The following FOXP1 variants were observed in gnomAD, a reference collection of about 807,000 sequenced individuals.
FOXP1 encodes the protein forkhead box P1.
In FOXP1, 15 loss-of-function variants were observed where a neutral mutation model predicts 98.2. That is an observed-to-expected ratio of 0.15 (90% CI 0.10 to 0.24). The LOEUF is 0.24. FOXP1 is among the 10% of genes least tolerant of loss of function. The pLI is 1.00. For missense variants in FOXP1, 633 were observed against 848.5 expected (o/e 0.75, Z 3.15); for synonymous variants, 371 against 314.5 (o/e 1.18, Z -1.90).
At chr3:71,563,442 TACC>T (rs1317811335) in intron 2 of FOXP1, among the ~76,000 whole-genome samples, 1 of 152,198 alleles carries the variant, frequency 6.6e-6, no homozygotes, top group East Asian at 1.9e-4. Context: ...AGAGTCACCT[TACC>T]TACCGCAAAG....
intron 6 of FOXP1, among the ~76,000 whole-genome samples, chr3:71,193,353 T>G (rs2063112688): frequency 7.7e-6 from 1 of 129,340 alleles, no homozygotes; most frequent in Admixed American, 7.8e-5. Context: ...TTTCACCATG[T>G]TAGCCAGGAT....
At chr3:71,459,962 C>A (rs1327496946) in intron 3 of FOXP1, among the ~76,000 whole-genome samples, 1 of 147,876 alleles carries the variant, frequency 6.8e-6, no homozygotes, top group Non-Finnish European at 1.5e-5. Flanking sequence ...AAGATGGAGT[C>A]TCACTCTGTC....
intron 3 of FOXP1, among the ~76,000 whole-genome samples, chr3:71,447,591 AG>A (rs1378839575): frequency 6.6e-6 from 1 of 152,182 alleles, no homozygotes; most frequent in Non-Finnish European, 1.5e-5. Context: ...AGAAACTGAG[AG>A]GACCCACTAA....
intron 3 of FOXP1, among the ~76,000 whole-genome samples, chr3:71,421,030 G>T (rs72959383): frequency 0.033 from 5,081 of 152,038 alleles, 279 homozygotes; most frequent in African/African-American, 0.11. Flanking sequence ...ATGTCAGAAC[G>T]CCACAAAGCC....
At chr3:71,327,473 C>T (rs562021184) in intron 4 of FOXP1, among the ~76,000 whole-genome samples, 112 of 147,974 alleles carry the variant, frequency 7.6e-4, no homozygotes, top group Non-Finnish European at 1.3e-3. Context: ...CTGCAAGCTC[C>T]GCCTCCCGGG....
At chr3:71,223,328 A>AG (rs1553787479) in intron 5 of FOXP1, among the ~76,000 whole-genome samples, 1 of 152,170 alleles carries the variant, frequency 6.6e-6, no homozygotes, top group Non-Finnish European at 1.5e-5. Context: ...TCTTGGAGGC[A>AG]CTTTTTTCCT....
At chr3:71,074,902 A>C (rs926020477) in intron 7 of FOXP1, among the ~76,000 whole-genome samples, 1 of 152,192 alleles carries the variant, frequency 6.6e-6, no homozygotes, top group African/African-American at 2.4e-5. Context: ...TTGATTAAGC[A>C]GTTTCTTATA....
At chr3:71,271,379 A>C (rs1437305786) in intron 5 of FOXP1, among the ~76,000 whole-genome samples, 1 of 152,236 alleles carries the variant, frequency 6.6e-6, no homozygotes, top group Non-Finnish European at 1.5e-5. Context: ...CGATAATTTT[A>C]CTTTTTTGGT....
chr3:71,439,819 G>A (rs915514696), intron 3 of FOXP1, among the ~76,000 whole-genome samples: 12 of 152,138 alleles, frequency 7.9e-5, no homozygotes, highest in South Asian at 2.1e-4. Context: ...GGTGGTGCAC[G>A]CCTGTAATCC....
At chr3:71,303,464 G>A (rs984256445) in intron 4 of FOXP1, among the ~76,000 whole-genome samples, 7 of 152,100 alleles carry the variant, frequency 4.6e-5, no homozygotes, top group African/African-American at 1.7e-4. Flanking sequence ...CAATCAAATG[G>A]CCTGTACTCA....
intron 6 of FOXP1, among the ~76,000 whole-genome samples, chr3:71,144,098 T>C (rs1355807464): frequency 2.0e-5 from 3 of 151,998 alleles, no homozygotes; most frequent in African/African-American, 7.3e-5. Flanking sequence ...TTTTAAGAAG[T>C]AGTTTGGGCA....
At chr3:71,253,940 T>C (rs1440499753) in intron 5 of FOXP1, among the ~76,000 whole-genome samples, 1 of 152,234 alleles carries the variant, frequency 6.6e-6, no homozygotes, top group Non-Finnish European at 1.5e-5. Context: ...AAAAATATTT[T>C]GCCTTATAGT....
intron 13 of FOXP1, among the ~76,000 whole-genome samples, chr3:70,995,078 A>C (rs1168827470): frequency 6.6e-6 from 1 of 151,940 alleles, no homozygotes; most frequent in Non-Finnish European, 1.5e-5. Context: ...CCTTTTCCCC[A>C]AACGGAATTA....
intron 14 of FOXP1, 126 bp from the exon 15 acceptor site, chr3:70,978,155 T>G: frequency 2.6e-6 from 2 of 774,072 alleles, no homozygotes; most frequent in Non-Finnish European, 4.5e-6. Flanking sequence ...GATGGTATGT[T>G]TACCATGAAC....
At chr3:71,186,617 A>C (rs559839509) in intron 6 of FOXP1, among the ~76,000 whole-genome samples, 1 of 152,360 alleles carries the variant, frequency 6.6e-6, no homozygotes, top group East Asian at 1.9e-4. Flanking sequence ...AGGCTGAGAC[A>C]GGAGAATCTC....
chr3:71,507,665 C>A (rs549089204), intron 2 of FOXP1, among the ~76,000 whole-genome samples: 1 of 152,040 alleles, frequency 6.6e-6, no homozygotes, highest in Non-Finnish European at 1.5e-5. Flanking sequence ...GCAAGCTTTG[C>A]CTCCCGGGTT....
At chr3:71,494,018 G>GA (rs2091241784) in intron 2 of FOXP1, among the ~76,000 whole-genome samples, 1 of 152,006 alleles carries the variant, frequency 6.6e-6, no homozygotes, top group Non-Finnish European at 1.5e-5. Context: ...AAACTAGTAG[G>GA]AAAGGTAATC....
chr3:71,557,069 T>G (rs1416347498), intron 2 of FOXP1, among the ~76,000 whole-genome samples: 2 of 152,094 alleles, frequency 1.3e-5, no homozygotes, highest in Admixed American at 1.3e-4. Context: ...TTTGTAGGGG[T>G]TTGTTCATAA....
At chr3:71,015,337 C>T (rs1317020567) in intron 12 of FOXP1, among the ~76,000 whole-genome samples, 2 of 151,912 alleles carry the variant, frequency 1.3e-5, no homozygotes. Flanking sequence ...AAGACTTACG[C>T]CTTTGAATGT....
Sources: allele counts gnomAD v4.1 joint callset (sites outside exome capture counted in the v4.1 genomes callset), GRCh38; gene constraint gnomAD v4.1.1; transcripts MANE v1.5; gene names NCBI Gene and HGNC (gene_info 2026-07-23, HGNC 2026-07-21).